The following HEG1 variants were observed in gnomAD, a reference collection of about 807,000 sequenced individuals.
HEG1 encodes the protein protein HEG homolog 1.
Under a neutral mutation model 125.6 loss-of-function variants are expected in HEG1, and 56 were observed. That is an observed-to-expected ratio of 0.45 (90% CI 0.36 to 0.56). The LOEUF is 0.56. Ranked by LOEUF, HEG1 falls within the 20% of genes least tolerant of loss-of-function variation. The pLI, the probability that HEG1 is intolerant of heterozygous loss-of-function variation, is 0.00. For missense variants in HEG1, 1,523 were observed against 1,670.0 expected, an observed-to-expected ratio of 0.91 and a Z score of 1.53; for synonymous variants, 644 against 668.5, an observed-to-expected ratio of 0.96 and a Z score of 0.57.
At chr3:124,984,673 C>T (rs1936710205) in intron 14 of HEG1, among the ~76,000 whole-genome samples, 1 of 152,022 alleles carries the variant, frequency 6.6e-6, no homozygotes, top group Admixed American at 6.6e-5. Context: ...GTAGGAGAAT[C>T]CCTTGAACCC....
intron 16 of HEG1, among the ~76,000 whole-genome samples, chr3:124,973,438 A>G (rs1008648838): frequency 6.6e-6 from 1 of 152,198 alleles, no homozygotes; most frequent in African/African-American, 2.4e-5. Context: ...TTCTTGCTCT[A>G]CCTTTCAGTT....
chr3:124,991,993 C>T (rs1936841876), intron 12 of HEG1, among the ~76,000 whole-genome samples: 1 of 152,200 alleles, frequency 6.6e-6, no homozygotes, highest in Non-Finnish European at 1.5e-5. Context: ...AAACTCCTTC[C>T]ATCACAAAGA....
intron 1 of HEG1, among the ~76,000 whole-genome samples, chr3:125,030,687 T>A (rs1170620529): frequency 6.6e-6 from 1 of 152,250 alleles, no homozygotes; most frequent in Non-Finnish European, 1.5e-5. Context: ...TGTGTATTCA[T>A]TCAAGCATTG....
At chr3:125,051,548 C>G (rs982196178) in intron 1 of HEG1, among the ~76,000 whole-genome samples, 2 of 152,224 alleles carry the variant, frequency 1.3e-5, no homozygotes, top group African/African-American at 4.8e-5. Context: ...AAATAACATC[C>G]CTCACGGGCT....
rs1265862570 is a variant in HEG1 at position 124,977,930 on chromosome 3, A to C, written c.3750T>G (p.Thr1250=). 4.4e-6 allele frequency: 7 copies of C among 1,576,776 alleles called. No individual in the cohort carries two copies. The highest frequency in any genetic ancestry group is 6.0e-6 in the Non-Finnish European group (7 of 1,161,246). The change falls in exon 15 of 17, where the codon ACT becomes ACG. Residue 1250 remains threonine, a synonymous_variant. Coordinates refer to ENST00000311127, the MANE Select transcript of HEG1 (RefSeq NM_020733.2). ...CACCTCCCGCGGCTGCGATCACCAC[A>C]GTGATAAGCTGATAGGCTAAACGTA... ...LNCGNPYQLI[T]VVIAAAGGGL...
chr3:125,034,343 C>G lies in HEG1; in HGVS notation c.317-4855G>C, dbSNP rs182213323. Among the ~76,000 whole-genome samples, 187 of 152,018 alleles carry G rather than the reference C, an allele frequency of 1.2e-3. 1 individual carries two copies. The highest frequency in any genetic ancestry group is 1.6e-4 in the Non-Finnish European group (11 of 67,960). On this transcript the variant is annotated intron_variant, in intron 1 of 16. Coordinates refer to ENST00000311127, the MANE Select transcript of HEG1 (RefSeq NM_020733.2). The stretch of plus-strand genomic sequence containing the variant: ...TAGAATTACCAGACAAAGAAGTATA[C>G]AAAATTACATTAGAAAAAATTTTTT...
chr3:125,028,880 C>T (rs1251462483), intron 2 of HEG1, among the ~76,000 whole-genome samples: 6 of 152,196 alleles, frequency 3.9e-5, no homozygotes, highest in African/African-American at 1.2e-4. Flanking sequence ...CCAAGCCTGT[C>T]GCAGCTATGC....
intron 2 of HEG1, among the ~76,000 whole-genome samples, chr3:125,028,213 T>A (rs1002129483): frequency 7.9e-5 from 12 of 152,260 alleles, no homozygotes; most frequent in African/African-American, 2.9e-4. Context: ...CTAGACATCC[T>A]GTAACCTGCC....
chr3:125,048,945 A>G (rs1033448757), intron 1 of HEG1, among the ~76,000 whole-genome samples: 2 of 152,202 alleles, frequency 1.3e-5, no homozygotes, highest in Non-Finnish European at 2.9e-5. Flanking sequence ...AACTAGGTGC[A>G]TGTTGTTGCT....
chr3:125,045,782 T>A (rs997430449), intron 1 of HEG1, among the ~76,000 whole-genome samples: 1 of 152,142 alleles, frequency 6.6e-6, no homozygotes, highest in Non-Finnish European at 1.5e-5. Flanking sequence ...ACATGCATGT[T>A]TACAAAGCGC....
chr3:125,049,939 C>T (rs1937766431), intron 1 of HEG1, among the ~76,000 whole-genome samples: 1 of 152,136 alleles, frequency 6.6e-6, no homozygotes, highest in Non-Finnish European at 1.5e-5. Context: ...AAACAAACAC[C>T]TTAACAGGCC....
rs1937008010 is a variant in HEG1 at position 125,002,007 on chromosome 3, G to T, written c.3362C>A (p.Ser1121Tyr). ...TTGCAGTGAGATCACCACCGCGTTGGACTCCCTATAGGCAAAGTTTGTGGG... is the reference window on the plus strand; with the variant it reads ...TTGCAGTGAGATCACCACCGCGTTGTACTCCCTATAGGCAAAGTTTGTGGG... ...IRSTVHASRE[S>Y]NAVVISLQTT... Residue 1121 changes from serine to tyrosine, a missense_variant, in exon 11 of 17, where the codon TCC (serine) becomes TAC (tyrosine). Coordinates refer to ENST00000311127, the MANE Select transcript of HEG1 (RefSeq NM_020733.2). The T allele has an allele frequency of 6.2e-7, 1 of 1,613,824 alleles. No individual in the cohort carries two copies. Among genetic ancestry groups the T allele is most frequent in the Admixed American group, 1.7e-5 (1 of 59,994 alleles).
intron 1 of HEG1, among the ~76,000 whole-genome samples, chr3:125,030,977 T>C (rs1448636592): frequency 5.9e-5 from 9 of 152,200 alleles, no homozygotes; most frequent in Non-Finnish European, 1.2e-4. Context: ...AATATATTTA[T>C]ATTAGTCAGA....
At chr3:125,010,141 G>C (rs1937135770) in intron 7 of HEG1, among the ~76,000 whole-genome samples, 1 of 152,218 alleles carries the variant, frequency 6.6e-6, no homozygotes, top group Non-Finnish European at 1.5e-5. Context: ...CAATAGATTA[G>C]GGTGGCAGTG....
At chr3:124,988,142 C>G (rs1168918020) in intron 14 of HEG1, among the ~76,000 whole-genome samples, 2 of 151,780 alleles carry the variant, frequency 1.3e-5, no homozygotes, top group Non-Finnish European at 2.9e-5. Context: ...CTCTCTGTGA[C>G]TCTGTTCTGG....
intron 1 of HEG1, among the ~76,000 whole-genome samples, chr3:125,032,064 C>A (rs1937508608): frequency 6.6e-6 from 1 of 152,062 alleles, no homozygotes; most frequent in African/African-American, 2.4e-5. Context: ...ATTTTATATT[C>A]TTTTTTTGGT....
In HEG1 at chr3:125,055,648, G is replaced by C; in HGVS notation, c.243C>G (p.Ser81Arg). The C allele has an allele frequency of 3.4e-6, 4 of 1,188,984 alleles. No individual in the cohort carries two copies. The highest frequency in any genetic ancestry group is 4.2e-6 in the Non-Finnish European group (4 of 960,268). 73.7% of individuals were successfully genotyped at this position (1,188,984 alleles called of 1,614,324 possible). ...ERRGPATPGPSYRAPEPGAAT... is the reference protein window; with the variant it reads ...ERRGPATPGPRYRAPEPGAAT... ...CGGCGCCTGGCTCAGGGGCCCTGTA[G>C]CTGGGGCCGGGGGTCGCGGGCCCGC... The change falls in exon 1 of 17, where the codon AGC becomes AGG. Residue 81 changes from serine (S) to arginine (R), a missense_variant. Ser to Arg is a moderately radical substitution (Grantham distance 110). Transcript: ENST00000311127.
chr3:125,052,667 A>G (rs1937839308), intron 1 of HEG1, among the ~76,000 whole-genome samples: 1 of 152,186 alleles, frequency 6.6e-6, no homozygotes, highest in Non-Finnish European at 1.5e-5. Flanking sequence ...AGAAAAACAC[A>G]CGCAGAAAAA....
chr3:125,049,537 C>T (rs1465258202), intron 1 of HEG1, among the ~76,000 whole-genome samples: 1 of 152,222 alleles, frequency 6.6e-6, no homozygotes, highest in Non-Finnish European at 1.5e-5. Context: ...CCACAGAATA[C>T]TTCCAAGGGG....
Sources: gnomAD v4.1 joint callset for allele counts (sites outside exome capture counted in the v4.1 genomes callset) on GRCh38, gnomAD v4.1.1 for gene constraint, MANE v1.5 for transcripts, NCBI Gene and HGNC (gene_info 2026-07-23, HGNC 2026-07-21) for gene names.